CCNL2: variants seen among roughly 807,000 people sequenced by gnomAD.
CCNL2 encodes the protein cyclin L2, also known as cyclin-L2.
A neutral mutation model predicts 59.1 loss-of-function variants in CCNL2; 28 were observed. The ratio of observed to expected loss-of-function variants is 0.47; its 90% CI spans 0.35 to 0.65. CCNL2 has a LOEUF of 0.65. CCNL2 is among the 30% of genes least tolerant of loss of function. The pLI, the probability that CCNL2 is intolerant of heterozygous loss-of-function variation, is 0.00. For synonymous variants in CCNL2, 342 were observed against 288.6 expected (o/e 1.19, Z -1.88); for missense variants, 714 against 717.4 (o/e 1.00, Z 0.05).
rs1032994705 is a variant in CCNL2, at chr1:1,388,403, C to G, written c.1007-338G>C. The G allele has an allele frequency of 1.2e-5, 5 of 408,352 alleles. No homozygotes were observed. In the East Asian group the frequency reaches 3.5e-4, roughly 28 times the overall value. 25.3% of individuals were successfully genotyped at this position (408,352 alleles called of 1,614,324 possible). A position where few individuals can be genotyped will look rare whatever the true frequency, so the allele number is the denominator to read the frequency against. ...GGGCTTGGTGGCACGCGCCTGTAGTCCCAGCTACTCCAGAGGCTGAAGCAG... is the reference window on the plus strand; with the variant it reads ...GGGCTTGGTGGCACGCGCCTGTAGTGCCAGCTACTCCAGAGGCTGAAGCAG... On this transcript the variant is annotated intron_variant, in intron 8 of 10. Coordinates refer to ENST00000400809, the MANE Select transcript of CCNL2 (RefSeq NM_030937.6).
intron 10 of CCNL2, 27 bp from the exon 11 acceptor site, chr1:1,387,609 C>T (rs772644120): frequency 1.2e-5 from 18 of 1,466,516 alleles, no homozygotes; most frequent in African/African-American, 7.1e-5. Flanking sequence ...CACCACCACA[C>T]GTGTGACCAT....
In CCNL2 at chr1:1,387,943, T is replaced by G. The variant is rs762110584; in HGVS notation, c.1118+11A>C. The G allele has an allele frequency of 2.9e-5, 47 of 1,613,174 alleles. No homozygotes were observed. The highest frequency in any genetic ancestry group is 3.6e-5 in the Non-Finnish European group (43 of 1,179,268). ...ACCCTGACAGCCACCTGGGCAGCCC[T>G]GGGGTCCTACCCGTTCACGGGGCTG... On this transcript the variant is annotated intron_variant, in intron 9 of 10. Transcript: ENST00000400809.
rs1190187652 is a variant in CCNL2 at position 1,387,531 on chromosome 1, G to C, written c.1263C>G (p.Ser421=). The C allele has an allele frequency of 6.5e-7, 1 of 1,548,120 alleles. No individual in the cohort carries two copies. Among genetic ancestry groups the C allele is most frequent in the Non-Finnish European group, 8.7e-7 (1 of 1,150,804 alleles). Residue 421 remains serine (S), a synonymous_variant, in exon 11 of 11, where the codon TCC becomes TCG. Coordinates refer to ENST00000400809, the MANE Select transcript of CCNL2 (RefSeq NM_030937.6). The stretch of plus-strand genomic sequence containing the variant: ...TCGGTGGGGAGTCACTCCTGCTCCG[G>C]GAGCGGCTCTGCGACTTGGACCCAC... ...TSGGSKSQSR[S]RSRSDSPPRQ...
intron 3 of CCNL2, among the ~76,000 whole-genome samples, chr1:1,396,745 A>G (rs901496848): frequency 2.0e-5 from 3 of 146,770 alleles, no homozygotes; most frequent in Non-Finnish European, 1.5e-5. Flanking sequence ...ACACCCGGCT[A>G]ATTTTTTTTT....
chr1:1,391,273 C>T (rs1024769255), intron 5 of CCNL2: 7 of 1,113,534 alleles, frequency 6.3e-6, no homozygotes, highest in Non-Finnish European at 7.8e-6. Context: ...GCTCAAAATC[C>T]ATAGTGCAGA....
Position 1,387,252 on chromosome 1 carries a change from C to A in CCNL2, c.1542G>T (p.Gly514=). 6.2e-7 allele frequency: 1 copy of A among 1,607,944 alleles called. No individual in the cohort carries two copies. Among genetic ancestry groups the A allele is most frequent in the East Asian group, 2.2e-5 (1 of 44,882 alleles). The change falls in exon 11 of 11, where the codon GGG becomes GGT. Residue 514 remains glycine (G), a synonymous_variant. Transcript: ENST00000400809. ...TGRRYERDHP[G]HSRHRR ...CGCCTCACCTCCGATGCCTGCTGTG[C>A]CCAGGGTGGTCCCGCTCATAGCGAC...
rs146981251 is a variant in CCNL2 at position 1,388,585 on chromosome 1, A to G, written c.1007-520T>C. The G allele has an allele frequency of 3.4e-3, 1,083 of 320,690 alleles. 6 individuals are homozygous for G. The highest frequency in any genetic ancestry group is 4.0e-3 in the Non-Finnish European group (628 of 158,812). The allele number at this position is 320,690 out of a possible 1,614,324, so 19.9% of individuals were successfully genotyped here. A position where few individuals can be genotyped will look rare whatever the true frequency, so the allele number is the denominator to read the frequency against. ...TGTGTGTCTCTCTCTCTCTCTCTCT[A>G]TATATATATATACATAGACACACAC... is the stretch of plus-strand genomic sequence containing the variant. On this transcript the variant is annotated intron_variant, in intron 8 of 10. Coordinates refer to ENST00000400809, the MANE Select transcript of CCNL2 (RefSeq NM_030937.6).
chr1:1,396,833 C>T (rs1645060646), intron 3 of CCNL2, among the ~76,000 whole-genome samples: 2 of 151,900 alleles, frequency 1.3e-5, no homozygotes, highest in South Asian at 4.1e-4. Context: ...ACTGCAAGCT[C>T]CACCTCCCGG....
intron 3 of CCNL2, among the ~76,000 whole-genome samples, chr1:1,396,357 C>T (rs993230044): frequency 6.6e-6 from 1 of 151,146 alleles, no homozygotes; most frequent in Non-Finnish European, 1.5e-5. Flanking sequence ...ACCTCCACCT[C>T]CCAGGTTCAA....
At chr1:1,396,571 GTTT>G (rs1175846044) in intron 3 of CCNL2, among the ~76,000 whole-genome samples, 171 of 69,646 alleles carry the variant, frequency 2.5e-3, no homozygotes, top group African/African-American at 0.014. Context: ...CGGCAAGGCT[GTTT>G]TTTTTTTTTT....
chr1:1,390,914 G>A (rs780428722), intron 5 of CCNL2, 49 bp from the exon 6 acceptor site: 16 of 1,470,354 alleles, frequency 1.1e-5, no homozygotes, highest in South Asian at 4.5e-5. Context: ...CGGGAACCCA[G>A]GTCTTCCGCC....
chr1:1,397,520 C>T (rs2100355123), intron 3 of CCNL2, among the ~76,000 whole-genome samples: 1 of 152,210 alleles, frequency 6.6e-6, no homozygotes, highest in South Asian at 2.1e-4. Flanking sequence ...TGAGTCGAGA[C>T]CAGGGATGTT....
intron 3 of CCNL2, among the ~76,000 whole-genome samples, chr1:1,397,063 A>G (rs1481718276): frequency 6.6e-6 from 1 of 151,896 alleles, no homozygotes. Context: ...TGTGTTCTTA[A>G]TAGGGACAGG....
intron 1 of CCNL2, 62 bp from the exon 2 acceptor site, chr1:1,398,733 G>C: frequency 6.8e-7 from 1 of 1,476,202 alleles, no homozygotes; most frequent in East Asian, 2.3e-5. Flanking sequence ...GCGGCCGAAA[G>C]TCATCGAGTA....
chr1:1,393,087 C>T (rs941655895), intron 5 of CCNL2: 4 of 587,398 alleles, frequency 6.8e-6, no homozygotes, highest in African/African-American at 5.6e-5. Context: ...CCTGTCCCTC[C>T]ACCCTCCCCA....
At chr1:1,395,251 G>A in intron 4 of CCNL2, 143 bp downstream of exon 4, 1 of 779,648 alleles carries the variant, frequency 1.3e-6, no homozygotes, top group East Asian at 2.7e-5. Flanking sequence ...AACTATTCTT[G>A]AGATTATAAA....
chr1:1,388,219 G>A, intron 8 of CCNL2, 154 bp from the exon 9 acceptor site: 2 of 634,666 alleles, frequency 3.2e-6, no homozygotes, highest in Non-Finnish European at 2.8e-6. Flanking sequence ...AACTTACACA[G>A]ACATCACAGA....
At chr1:1,398,538 A>C in intron 2 of CCNL2, 59 bp downstream of exon 2, 1 of 1,592,480 alleles carries the variant, frequency 6.3e-7, no homozygotes, top group Non-Finnish European at 8.6e-7. Flanking sequence ...GGGCAAAGTA[A>C]CAAACCGTTT....
At chr1:1,390,416 C>G in intron 7 of CCNL2, 43 bp downstream of exon 7, 1 of 1,611,032 alleles carries the variant, frequency 6.2e-7, no homozygotes, top group Non-Finnish European at 8.5e-7. Flanking sequence ...GTGTTTCTGG[C>G]CAAACACAAA....
Sources: allele counts gnomAD v4.1 joint callset (sites outside exome capture counted in the v4.1 genomes callset), GRCh38; gene constraint gnomAD v4.1.1; transcripts MANE v1.5; gene names NCBI Gene and HGNC (gene_info 2026-07-23, HGNC 2026-07-21).